Variants in MAPK4 observed in about 807,000 individuals in gnomAD.
The protein encoded by MAPK4 is mitogen-activated protein kinase 4.
In MAPK4, 22 loss-of-function variants were observed where a neutral mutation model predicts 47.7. That is an observed-to-expected ratio of 0.46 (90% CI 0.33 to 0.66). MAPK4 has a LOEUF of 0.66. MAPK4 is among the 30% of genes least tolerant of loss of function. MAPK4 has a pLI of 0.02. For synonymous variants in MAPK4, 390 were observed against 365.7 expected, an observed-to-expected ratio of 1.07 and a Z score of -0.76; for missense variants, 736 against 831.7, an observed-to-expected ratio of 0.88 and a Z score of 1.42.
At chr18:50,607,896 A>G (rs544897473) in intron 1 of MAPK4, among the ~76,000 whole-genome samples, 97 of 152,206 alleles carry the variant, frequency 6.4e-4, no homozygotes, top group Admixed American at 1.3e-3. Flanking sequence ...GCCTTCATCT[A>G]TTGGACCCTA....
chr18:50,594,143 C>G (rs571379812), intron 1 of MAPK4, among the ~76,000 whole-genome samples: 1 of 152,300 alleles, frequency 6.6e-6, no homozygotes, highest in Admixed American at 6.5e-5. Context: ...AATATGAAAG[C>G]CGGAAGACTC....
chr18:50,684,772 C>G (rs965147171), intron 2 of MAPK4, among the ~76,000 whole-genome samples: 2 of 152,018 alleles, frequency 1.3e-5, no homozygotes, highest in Non-Finnish European at 2.9e-5. Context: ...CCTGGGTGAA[C>G]AGCCTTGGGA....
chr18:50,649,161 C>T (rs2043022042), intron 1 of MAPK4, among the ~76,000 whole-genome samples: 1 of 152,174 alleles, frequency 6.6e-6, no homozygotes, highest in Non-Finnish European at 1.5e-5. Flanking sequence ...CCTAGGGGCC[C>T]TTGGCTCAGT....
intron 1 of MAPK4, among the ~76,000 whole-genome samples, chr18:50,583,374 G>A (rs1334889863): frequency 1.3e-5 from 2 of 152,184 alleles, no homozygotes; most frequent in African/African-American, 4.8e-5. Context: ...GATTGCCTGA[G>A]CTCAGGAGTT....
intron 1 of MAPK4, among the ~76,000 whole-genome samples, chr18:50,615,248 G>A (rs1285045491): frequency 1.3e-5 from 2 of 152,106 alleles, no homozygotes; most frequent in African/African-American, 4.8e-5. Context: ...CAGTGCACAT[G>A]CCCTCTTCTG....
At chr18:50,592,842 G>A (rs1211962280) in intron 1 of MAPK4, among the ~76,000 whole-genome samples, 4 of 152,152 alleles carry the variant, frequency 2.6e-5, no homozygotes, top group Non-Finnish European at 5.9e-5. Context: ...CCCAAATAGA[G>A]GACAATTCAG....
chr18:50,630,670 CCTGG>C, intron 1 of MAPK4, among the ~76,000 whole-genome samples: 1 of 152,252 alleles, frequency 6.6e-6, no homozygotes, highest in Non-Finnish European at 1.5e-5. Context: ...TGATCCTGCA[CCTGG>C]CAGGTGCTTA....
chr18:50,693,537 G>C (rs963415392), intron 2 of MAPK4, among the ~76,000 whole-genome samples: 1 of 152,128 alleles, frequency 6.6e-6, no homozygotes, highest in Non-Finnish European at 1.5e-5. Flanking sequence ...TCCGCCCTTC[G>C]ACTTCTGAGT....
At chr18:50,674,712 C>T (rs746250329) in intron 2 of MAPK4, among the ~76,000 whole-genome samples, 9 of 152,188 alleles carry the variant, frequency 5.9e-5, no homozygotes, top group African/African-American at 2.2e-4. Context: ...TGTGCAAAGC[C>T]GTTATCCCCA....
intron 1 of MAPK4, among the ~76,000 whole-genome samples, chr18:50,644,793 AG>A (rs1446945666): frequency 1.3e-5 from 2 of 152,210 alleles, no homozygotes; most frequent in Non-Finnish European, 2.9e-5. Flanking sequence ...TTTGAAAAGC[AG>A]GAAGAGAGGG....
At chr18:50,702,789 G>A (rs1423248154) in intron 2 of MAPK4, among the ~76,000 whole-genome samples, 2 of 152,158 alleles carry the variant, frequency 1.3e-5, no homozygotes, top group Non-Finnish European at 2.9e-5. Flanking sequence ...ACTGCCCAGA[G>A]CTGGAGTGTA....
chr18:50,666,510 G>C (rs1323210147), intron 2 of MAPK4, among the ~76,000 whole-genome samples: 1 of 152,182 alleles, frequency 6.6e-6, no homozygotes, highest in Non-Finnish European at 1.5e-5. Context: ...TCAGTGCTGG[G>C]AGCTGGAGAG....
At chr18:50,625,455 C>T (rs1253025464) in intron 1 of MAPK4, among the ~76,000 whole-genome samples, 2 of 152,166 alleles carry the variant, frequency 1.3e-5, no homozygotes, top group Non-Finnish European at 2.9e-5. Context: ...CCTCCAAAGA[C>T]CGCAGGAGTC....
chr18:50,595,849 A>G (rs2042477157), intron 1 of MAPK4, among the ~76,000 whole-genome samples: 1 of 152,134 alleles, frequency 6.6e-6, no homozygotes, highest in African/African-American at 2.4e-5. Flanking sequence ...CAGCTTCATC[A>G]CACGCTTTCC....
In MAPK4 at chr18:50,722,159, C is replaced by A. The variant is rs1041021417; in HGVS notation, c.853+60C>A. 3.2e-6 allele frequency: 5 copies of A among 1,556,846 alleles called. No homozygotes were observed. The African/African-American group carries it at 5.6e-5, about 17-fold the overall frequency. On this transcript the variant is annotated intron_variant, in intron 4 of 5. Transcript: ENST00000400384. ...GGAGGATGAGCTAGGCTCCACCTTG[C>A]GGGGTAGGGGGCAGGCAGGTCTCCT...
intron 1 of MAPK4, among the ~76,000 whole-genome samples, chr18:50,640,776 A>G (rs376704707): frequency 2.6e-5 from 4 of 152,156 alleles, no homozygotes; most frequent in South Asian, 4.2e-4. Flanking sequence ...AGTTATGGCT[A>G]TTTTCATCTT....
intron 2 of MAPK4, among the ~76,000 whole-genome samples, chr18:50,690,536 C>A (rs932850677): frequency 2.6e-5 from 4 of 152,194 alleles, no homozygotes; most frequent in African/African-American, 9.7e-5. Context: ...CTGTCCTGTG[C>A]AACCATTTAA....
chr18:50,577,581 T>G (rs2042308981), intron 1 of MAPK4, among the ~76,000 whole-genome samples: 1 of 152,158 alleles, frequency 6.6e-6, no homozygotes, highest in Non-Finnish European at 1.5e-5. Context: ...TCACCAGGAT[T>G]ACCTTGTGCA....
chr18:50,724,306 C>T (rs1393597007), intron 4 of MAPK4, among the ~76,000 whole-genome samples: 1 of 152,216 alleles, frequency 6.6e-6, no homozygotes, highest in Non-Finnish European at 1.5e-5. Context: ...GCCTTGGCCT[C>T]CCAAAGTCCT....
Sources: allele counts gnomAD v4.1 joint callset (sites outside exome capture counted in the v4.1 genomes callset), GRCh38; gene constraint gnomAD v4.1.1; transcripts MANE v1.5; gene names NCBI Gene and HGNC (gene_info 2026-07-23, HGNC 2026-07-21).